ZSCAN5C: variants seen among roughly 807,000 people sequenced by gnomAD.
ZSCAN5C encodes the protein zinc finger and SCAN domain containing 5C.
ZSCAN5C carries 11 observed loss-of-function variants against 17.3 expected under a neutral mutation model. That is an observed-to-expected ratio of 0.64 (90% CI 0.40 to 1.06). The LOEUF (loss-of-function observed/expected upper bound fraction) is 1.06, where lower values mean the gene tolerates loss of function less well. Among genes scored for constraint, ZSCAN5C ranks in the 50% least tolerant of loss-of-function variants. ZSCAN5C has a pLI of 0.00. For missense variants in ZSCAN5C, 698 were observed against 538.9 expected, an observed-to-expected ratio of 1.30 and a Z score of -2.92; for synonymous variants, 229 against 208.4, an observed-to-expected ratio of 1.10 and a Z score of -0.85.
At chr19:56,202,771 G>C (rs913175571) in intron 1 of ZSCAN5C, among the ~76,000 whole-genome samples, 2 of 151,876 alleles carry the variant, frequency 1.3e-5, no homozygotes, top group African/African-American at 2.4e-5. Context: ...GCCCAGGCTG[G>C]TCCTGAACTC....
chr19:56,204,584 T>G (rs1184746477), intron 1 of ZSCAN5C, among the ~76,000 whole-genome samples: 1 of 151,754 alleles, frequency 6.6e-6, no homozygotes, highest in African/African-American at 2.4e-5. Flanking sequence ...TTTGAGTTGC[T>G]TATGTTTTGC....
Position 56,206,302 on chromosome 19 carries a change from G to T in ZSCAN5C, c.384+5G>T. On this transcript the variant is annotated splice_donor_5th_base_variant and intron_variant, in intron 2 of 4. Coordinates refer to ENST00000534327, the Ensembl canonical transcript of ZSCAN5C. ...AACAGAAGACCCAAGAAATGGGTGA[G>T]TGGGACCCTCGTGATTGGTGCAGGG... 1 of 1,511,662 alleles carries T rather than the reference G, an allele frequency of 6.6e-7. No homozygotes were observed. The highest frequency in any genetic ancestry group is 8.9e-7 in the Non-Finnish European group (1 of 1,122,880). 93.6% of individuals were successfully genotyped at this position (1,511,662 alleles called of 1,614,324 possible).
rs1203902857 is a variant in ZSCAN5C at position 56,207,263 on chromosome 19, G to T, written c.588+1G>T. On this transcript the variant is annotated splice_donor_variant, in intron 3 of 4. Transcript: ENST00000534327. LOFTEE classifies it high-confidence loss of function. ...GGTCCCTGCACTGTTCAGGAGGCAG[G>T]TGGGTGTGTGAGGCCTTGGTGTCTG... is the stretch of plus-strand genomic sequence containing the variant. The T allele has an allele frequency of 1.3e-6, 1 of 775,006 alleles. No individual in the cohort carries two copies. The highest frequency in any genetic ancestry group is 2.4e-6 in the Non-Finnish European group (1 of 415,586). The allele number at this position is 775,006 out of a possible 1,614,324, so 48.0% of individuals were successfully genotyped here. A position where few individuals can be genotyped will look rare whatever the true frequency, so the allele number is the denominator to read the frequency against.
chr19:56,208,842 A>T, exon 5 of ZSCAN5C: 3 of 1,567,930 alleles, frequency 1.9e-6, no homozygotes, highest in Non-Finnish European at 1.8e-6. Flanking sequence ...ACGAGATCAC[A>T]CACAGGCGAG....
At chr19:56,202,577 C>T (rs1054506892) in intron 1 of ZSCAN5C, among the ~76,000 whole-genome samples, 2 of 151,894 alleles carry the variant, frequency 1.3e-5, no homozygotes, top group Non-Finnish European at 2.9e-5. Flanking sequence ...ACTTTCTCAT[C>T]GTGGTTAGGC....
At chr19:56,209,444 T>C (rs979716431), downstream of ZSCAN5C, 1 of 420,588 alleles carries the variant, frequency 2.4e-6, no homozygotes, top group Admixed American at 4.0e-5. Flanking sequence ...AAACATCTTA[T>C]TAGTTTTCAA....
At chr19:56,206,777 T>TC (rs1220307747) in intron 2 of ZSCAN5C, among the ~76,000 whole-genome samples, 1 of 121,938 alleles carries the variant, frequency 8.2e-6, no homozygotes, top group Admixed American at 7.8e-5. Context: ...GGGATCTGCC[T>TC]CCAGGTCCGC....
At chr19:56,206,127 T>C in exon 2 of ZSCAN5C, 1 of 1,604,116 alleles carries the variant, frequency 6.2e-7, no homozygotes. Flanking sequence ...GTGCCATCTG[T>C]GGCTGAGGCC....
chr19:56,202,780 T>C (rs2032885132), intron 1 of ZSCAN5C, among the ~76,000 whole-genome samples: 1 of 151,952 alleles, frequency 6.6e-6, no homozygotes, highest in African/African-American at 2.4e-5. Flanking sequence ...GGTCCTGAAC[T>C]CCTGGGATCA....
chr19:56,204,137 A>G (rs1424738177), intron 1 of ZSCAN5C, among the ~76,000 whole-genome samples: 2 of 151,750 alleles, frequency 1.3e-5, no homozygotes, highest in African/African-American at 4.9e-5. Context: ...GATAGCAACC[A>G]ATAGGTAGTT....
exon 2 of ZSCAN5C, chr19:56,205,981 C>T (rs774114739): frequency 6.4e-7 from 1 of 1,569,412 alleles, no homozygotes; most frequent in South Asian, 1.1e-5. Context: ...TCAGAGCCAC[C>T]ACAGTCCATG....
chr19:56,208,975 C>T, exon 5 of ZSCAN5C: 4 of 1,613,430 alleles, frequency 2.5e-6, no homozygotes, highest in Non-Finnish European at 3.4e-6. Flanking sequence ...AGCAGTTCAC[C>T]CAGAAGTCCT....
rs535461105 is a variant in ZSCAN5C at position 56,206,040 on chromosome 19, T to A, written c.127T>A (p.Cys43Ser). ...AAATCATGACAGTGATCCTGAGACT[T>A]GTCACGTGAACTTCAGGATGTTCAG... The change falls in exon 2 of 5, where the codon TGT becomes AGT. Residue 43 changes from cysteine to serine, a missense_variant. This residue lies in a region of ZSCAN5C where 100 missense variants were observed against 74.6 expected (regional missense o/e 1.34). Transcript: ENST00000534327. 4.3e-6 allele frequency: 7 copies of A among 1,613,516 alleles called. No homozygotes were observed. In the East Asian group the frequency reaches 1.3e-4, roughly 31 times the overall value.
chr19:56,209,403 T>G (rs2032964993), downstream of ZSCAN5C: 1 of 498,464 alleles, frequency 2.0e-6, no homozygotes, highest in African/African-American at 2.0e-5. Flanking sequence ...TGTTTTAGGT[T>G]TATTTTGGTT....
At chr19:56,204,764 C>G (rs1003292581) in intron 1 of ZSCAN5C, among the ~76,000 whole-genome samples, 3 of 151,866 alleles carry the variant, frequency 2.0e-5, no homozygotes, top group African/African-American at 7.3e-5. Flanking sequence ...TTTCCCAAGA[C>G]CCTCCTGCCA....
intron 1 of ZSCAN5C, among the ~76,000 whole-genome samples, chr19:56,203,648 T>A (rs1190506660): frequency 6.8e-6 from 1 of 147,724 alleles, no homozygotes; most frequent in Non-Finnish European, 1.5e-5. Flanking sequence ...GAATTTTTTT[T>A]TTTTTTTTTT....
chr19:56,207,976 A>T, intron 3 of ZSCAN5C, 58 bp from the exon 4 acceptor site: 1 of 675,164 alleles, frequency 1.5e-6, no homozygotes, highest in South Asian at 1.6e-5. Flanking sequence ...GAAAAAGCAG[A>T]CATGTCCTTC....
rs146501533 is a variant in ZSCAN5C, at chr19:56,206,347, G to C, written c.384+50G>C. 4.3e-6 allele frequency: 6 copies of C among 1,387,500 alleles called. 1 individual carries two copies. Among genetic ancestry groups the C allele is most frequent in the Non-Finnish European group, 5.8e-6 (6 of 1,031,106 alleles). The allele number at this position is 1,387,500 out of a possible 1,614,324, so 85.9% of individuals were successfully genotyped here. On this transcript the variant is annotated intron_variant, in intron 2 of 4. Coordinates refer to ENST00000534327, the Ensembl canonical transcript of ZSCAN5C. Reference sequence around the variant, plus strand: ...GCAGGGAAGGGGAGCTGGGATGGGGGCTGCATGGTGCAGCTGGACTCGAGA... The same window carrying C: ...GCAGGGAAGGGGAGCTGGGATGGGGCCTGCATGGTGCAGCTGGACTCGAGA...
rs543028967 is a variant in ZSCAN5C at position 56,202,797 on chromosome 19, C to T, written c.-128+475C>T. On this transcript the variant is annotated intron_variant, in intron 1 of 4. Coordinates refer to ENST00000534327, the Ensembl canonical transcript of ZSCAN5C. ...TCCTGAACTCCTGGGATCAAGCATGCTCCCATCTTGGTCTTCCAAACTGTT... is the reference window on the plus strand; with the variant it reads ...TCCTGAACTCCTGGGATCAAGCATGTTCCCATCTTGGTCTTCCAAACTGTT... 7.2e-5 allele frequency among the ~76,000 whole-genome samples: 11 copies of T among 152,088 alleles called. No homozygotes were observed. In the South Asian group the frequency reaches 1.0e-3, roughly 14 times the overall value.
Sources: gnomAD v4.1 joint callset for allele counts (sites outside exome capture counted in the v4.1 genomes callset) on GRCh38, gnomAD v4.1.1 for gene constraint, gnomAD v4.1.1 regional missense constraint, MANE v1.5 for transcripts, NCBI Gene and HGNC (gene_info 2026-07-23, HGNC 2026-07-21) for gene names.